The following FSTL5 variants were observed in gnomAD, a reference collection of about 807,000 sequenced individuals.
FSTL5 encodes follistatin like 5, also known as follistatin-related protein 5.
In FSTL5, 62 loss-of-function variants were observed where a neutral mutation model predicts 89.1. That is an observed-to-expected ratio of 0.70 (90% confidence interval 0.57 to 0.86). The LOEUF is 0.86. Among genes scored for constraint, FSTL5 ranks in the 40% least tolerant of loss-of-function variants. The pLI is 0.00. For missense variants in FSTL5, 1,057 were observed against 1,001.6 expected, an observed-to-expected ratio of 1.06 and a Z score of -0.75; for synonymous variants, 383 against 346.2, an observed-to-expected ratio of 1.11 and a Z score of -1.18.
chr4:161,648,461 G>C (rs1736228215), intron 7 of FSTL5, among the ~76,000 whole-genome samples: 1 of 152,066 alleles, frequency 6.6e-6, no homozygotes, highest in Admixed American at 6.6e-5. Context: ...TTCATAAGAG[G>C]ACAGAAATTA....
At chr4:161,686,305 C>CAT (rs60120837) in intron 6 of FSTL5, among the ~76,000 whole-genome samples, 39 of 25,972 alleles carry the variant, frequency 1.5e-3, no homozygotes, top group African/African-American at 4.4e-3. Flanking sequence ...TCTCCTTTGC[C>CAT]ATATATATAT....
intron 6 of FSTL5, among the ~76,000 whole-genome samples, chr4:161,704,107 A>C (rs1738492260): frequency 6.6e-6 from 1 of 152,100 alleles, no homozygotes; most frequent in Non-Finnish European, 1.5e-5. Context: ...TTCTATTCAA[A>C]GTCACCCCTC....
At chr4:161,661,956 A>AT (rs1182228850) in intron 6 of FSTL5, among the ~76,000 whole-genome samples, 1 of 152,234 alleles carries the variant, frequency 6.6e-6, no homozygotes, top group East Asian at 1.9e-4. Context: ...CTATATTCTG[A>AT]AGAGAACTGT....
At chr4:162,157,004 C>G (rs915661401) in intron 1 of FSTL5, among the ~76,000 whole-genome samples, 1 of 152,090 alleles carries the variant, frequency 6.6e-6, no homozygotes, top group African/African-American at 2.4e-5. Context: ...ATGCTTAAGA[C>G]TATGCACAGG....
At chr4:161,584,033 T>A (rs943543582) in intron 8 of FSTL5, among the ~76,000 whole-genome samples, 1 of 150,622 alleles carries the variant, frequency 6.6e-6, no homozygotes, top group Admixed American at 6.6e-5. Flanking sequence ...TAAATCAGAA[T>A]CTTTTTTTCT....
intron 10 of FSTL5, among the ~76,000 whole-genome samples, chr4:161,521,903 T>C (rs1265740406): frequency 2.0e-5 from 3 of 150,480 alleles, no homozygotes; most frequent in Admixed American, 2.0e-4. Flanking sequence ...TTGGAGTTAC[T>C]GTCCACATTA....
At chr4:161,782,017 T>A (rs558321516) in intron 4 of FSTL5, among the ~76,000 whole-genome samples, 67 of 152,270 alleles carry the variant, frequency 4.4e-4, no homozygotes, top group Non-Finnish European at 8.5e-4. Context: ...CAAATTGGCT[T>A]CTTTCACTTA....
chr4:161,814,864 T>C (rs896308667), intron 4 of FSTL5, among the ~76,000 whole-genome samples: 10 of 152,216 alleles, frequency 6.6e-5, no homozygotes, highest in African/African-American at 2.4e-4. Context: ...CTGTAGAATG[T>C]CTCAGTGCAA....
chr4:161,524,479 G>A (rs945334021), intron 10 of FSTL5, among the ~76,000 whole-genome samples: 2 of 152,080 alleles, frequency 1.3e-5, no homozygotes, highest in South Asian at 4.1e-4. Context: ...TACAGAGTTT[G>A]ACTCTTTTCA....
At chr4:161,631,340 G>A (rs193099061) in intron 7 of FSTL5, among the ~76,000 whole-genome samples, 40 of 152,180 alleles carry the variant, frequency 2.6e-4, no homozygotes, top group South Asian at 1.7e-3. Flanking sequence ...TAATTCATGC[G>A]GCCCGGCACG....
intron 15 of FSTL5, among the ~76,000 whole-genome samples, chr4:161,405,047 A>T (rs961956390): frequency 6.6e-6 from 1 of 152,130 alleles, no homozygotes; most frequent in South Asian, 2.1e-4. Flanking sequence ...CCTGACCAAC[A>T]TGGTGAAACC....
In FSTL5 at chr4:161,757,861, C is replaced by T. The variant is rs530465883; in HGVS notation, c.727+1550G>A. On this transcript the variant is annotated intron_variant, in intron 6 of 15. Coordinates refer to ENST00000306100, the MANE Select transcript of FSTL5 (RefSeq NM_020116.5). ...CTCAAACTCCTGACCTTAGGTGATC[C>T]GCCCACCTCAGCCTCCCAAAGTGCT... 1.6e-4 allele frequency among the ~76,000 whole-genome samples: 24 copies of T among 152,158 alleles called. No individual in the cohort carries two copies. The East Asian group carries it at 3.9e-3, about 25-fold the overall frequency.
intron 4 of FSTL5, among the ~76,000 whole-genome samples, chr4:161,905,443 T>C (rs928142584): frequency 5.3e-5 from 8 of 152,150 alleles, no homozygotes; most frequent in East Asian, 1.9e-4. Context: ...AAAATATCAC[T>C]ATAAAGCTGA....
intron 7 of FSTL5, among the ~76,000 whole-genome samples, chr4:161,623,238 C>T (rs943547184): frequency 6.6e-6 from 1 of 151,872 alleles, no homozygotes; most frequent in Non-Finnish European, 1.5e-5. Flanking sequence ...ATTAACATAA[C>T]TTTCATTGAA....
At chr4:161,554,417 TAA>T (rs1456398917) in intron 8 of FSTL5, among the ~76,000 whole-genome samples, 4 of 151,588 alleles carry the variant, frequency 2.6e-5, no homozygotes, top group South Asian at 2.1e-4. Context: ...TCTGTAAGGC[TAA>T]GTCTTACTTT....
At chr4:161,641,867 T>C (rs1402043823) in intron 7 of FSTL5, among the ~76,000 whole-genome samples, 2 of 151,998 alleles carry the variant, frequency 1.3e-5, no homozygotes, top group African/African-American at 4.8e-5. Flanking sequence ...TGATTATATA[T>C]ATAAGAAAAT....
intron 6 of FSTL5, among the ~76,000 whole-genome samples, chr4:161,679,108 A>G (rs1235271382): frequency 2.0e-5 from 3 of 151,762 alleles, no homozygotes; most frequent in African/African-American, 7.2e-5. Flanking sequence ...GATCTTAAGT[A>G]ATTTTTCAAG....
At chr4:161,657,088 C>T (rs1266970474) in intron 6 of FSTL5, among the ~76,000 whole-genome samples, 1 of 152,192 alleles carries the variant, frequency 6.6e-6, no homozygotes, top group Non-Finnish European at 1.5e-5. Flanking sequence ...AGATACATAT[C>T]ATATTTTAAC....
At chr4:161,774,434 G>A (rs1741324393) in intron 5 of FSTL5, among the ~76,000 whole-genome samples, 1 of 152,040 alleles carries the variant, frequency 6.6e-6, no homozygotes, top group Admixed American at 6.5e-5. Flanking sequence ...TCTTATGCGA[G>A]CCCTAGGAAA....
Sources: gnomAD v4.1 joint callset for allele counts (sites outside exome capture counted in the v4.1 genomes callset) on GRCh38, gnomAD v4.1.1 for gene constraint, MANE v1.5 for transcripts, NCBI Gene and HGNC (gene_info 2026-07-23, HGNC 2026-07-21) for gene names.